DENND1B: variants seen among roughly 807,000 people sequenced by gnomAD.
The protein encoded by DENND1B is DENN domain containing 1B.
In DENND1B, 59 loss-of-function variants were observed where a neutral mutation model predicts 90.1. The ratio of observed to expected loss-of-function variants is 0.65; its 90% CI spans 0.53 to 0.81. The LOEUF (loss-of-function observed/expected upper bound fraction) is 0.81. Ranked by LOEUF, DENND1B falls within the 40% of genes least tolerant of loss-of-function variation. The pLI, the probability that DENND1B is intolerant of heterozygous loss-of-function variation, is 0.00. For synonymous variants in DENND1B, 337 were observed against 324.6 expected, an observed-to-expected ratio of 1.04 and a Z score of -0.41; for missense variants, 862 against 912.6, an observed-to-expected ratio of 0.94 and a Z score of 0.71.
chr1:197,654,919 A>G (rs1653644705), intron 6 of DENND1B, among the ~76,000 whole-genome samples: 1 of 152,184 alleles, frequency 6.6e-6, no homozygotes, highest in Non-Finnish European at 1.5e-5. Flanking sequence ...TGTCTATACC[A>G]TTTTAGCTGA....
intron 2 of DENND1B, among the ~76,000 whole-genome samples, chr1:197,754,892 T>G (rs914514175): frequency 1.3e-5 from 2 of 152,146 alleles, no homozygotes; most frequent in South Asian, 4.1e-4. Flanking sequence ...AGAATTTTAG[T>G]CTCTTCATGT....
At chr1:197,629,687 A>G (rs1679146934) in intron 10 of DENND1B, among the ~76,000 whole-genome samples, 1 of 151,828 alleles carries the variant, frequency 6.6e-6, no homozygotes. Flanking sequence ...TAATAATAAA[A>G]TAAAATAAAA....
chr1:197,619,417 A>T (rs2125866761), intron 10 of DENND1B, among the ~76,000 whole-genome samples: 1 of 151,236 alleles, frequency 6.6e-6, no homozygotes, highest in East Asian at 2.0e-4. Context: ...CCCCCTTTTT[A>T]ACCTGATGGG....
chr1:197,647,904 G>A (rs1283176813), intron 7 of DENND1B, among the ~76,000 whole-genome samples: 4 of 146,810 alleles, frequency 2.7e-5, no homozygotes, highest in Admixed American at 2.1e-4. Flanking sequence ...CTGAGATCAC[G>A]CCATTGTTTT....
chr1:197,762,865 T>C (rs1033115588), intron 2 of DENND1B, among the ~76,000 whole-genome samples: 8 of 152,222 alleles, frequency 5.3e-5, no homozygotes, highest in African/African-American at 1.4e-4. Flanking sequence ...ATCCATGTTG[T>C]AGCACACGGC....
At chr1:197,766,838 G>T (rs553462034) in intron 2 of DENND1B, among the ~76,000 whole-genome samples, 1 of 152,034 alleles carries the variant, frequency 6.6e-6, no homozygotes, top group Non-Finnish European at 1.5e-5. Context: ...CACCTAGACT[G>T]GAATGCAGTG....
At chr1:197,736,808 C>A (rs1041880570) in intron 2 of DENND1B, among the ~76,000 whole-genome samples, 6 of 152,148 alleles carry the variant, frequency 3.9e-5, no homozygotes, top group African/African-American at 1.4e-4. Context: ...ATCTTGCTTG[C>A]CTTTCTCTTA....
chr1:197,707,975 C>T (rs1260575533), intron 3 of DENND1B, among the ~76,000 whole-genome samples: 1 of 152,040 alleles, frequency 6.6e-6, no homozygotes, highest in African/African-American at 2.4e-5. Flanking sequence ...ACGGCCGCAC[C>T]CGGAAAATCA....
intron 20 of DENND1B, among the ~76,000 whole-genome samples, chr1:197,528,014 T>C (rs1022803399): frequency 2.0e-5 from 3 of 152,172 alleles, no homozygotes; most frequent in African/African-American, 7.2e-5. Context: ...ATTTATTTTA[T>C]TCCCAGAGTC....
chr1:197,540,147 A>G, intron 19 of DENND1B, 76 bp from the exon 20 acceptor site: 1 of 980,060 alleles, frequency 1.0e-6, no homozygotes, highest in Non-Finnish European at 1.5e-6. Context: ...TAATAAACAA[A>G]GTATCTGATA....
intron 3 of DENND1B, among the ~76,000 whole-genome samples, chr1:197,697,632 T>C (rs1176227938): frequency 1.3e-5 from 2 of 151,586 alleles, no homozygotes; most frequent in East Asian, 1.9e-4. Context: ...AGAACACAAA[T>C]TGGATAGTCA....
At chr1:197,769,513 T>C (rs1656134676) in intron 2 of DENND1B, among the ~76,000 whole-genome samples, 1 of 152,108 alleles carries the variant, frequency 6.6e-6, no homozygotes, top group African/African-American at 2.4e-5. Context: ...ATCTAAGCCC[T>C]CCAATGACAC....
chr1:197,542,340 A>G (rs1465046677), intron 18 of DENND1B, among the ~76,000 whole-genome samples: 2 of 152,234 alleles, frequency 1.3e-5, no homozygotes, highest in South Asian at 2.1e-4. Context: ...AACTATAAAA[A>G]TAAGTATAAA....
intron 2 of DENND1B, among the ~76,000 whole-genome samples, chr1:197,715,982 T>G (rs1318427607): frequency 1.3e-5 from 2 of 151,520 alleles, no homozygotes; most frequent in African/African-American, 4.8e-5. Context: ...GACTAATGTG[T>G]GTAACAAGTA....
At chr1:197,665,725 C>G (rs1025187685) in intron 5 of DENND1B, among the ~76,000 whole-genome samples, 2 of 152,038 alleles carry the variant, frequency 1.3e-5, no homozygotes, top group Non-Finnish European at 2.9e-5. Context: ...AACAAAAGCT[C>G]AAGAGACATT....
chr1:197,552,729 C>G (rs1671343412), intron 16 of DENND1B: 1 of 1,162,468 alleles, frequency 8.6e-7, no homozygotes, highest in South Asian at 2.8e-5. Flanking sequence ...GAAGGAAAGA[C>G]AGGAAGATAT....
intron 14 of DENND1B, among the ~76,000 whole-genome samples, chr1:197,585,260 T>C (rs922088968): frequency 1.3e-5 from 2 of 152,204 alleles, no homozygotes; most frequent in Non-Finnish European, 2.9e-5. Flanking sequence ...CCTTATTCTA[T>C]ATGACATATC....
At chr1:197,721,734 C>G (rs1159078221) in intron 2 of DENND1B, among the ~76,000 whole-genome samples, 1 of 151,874 alleles carries the variant, frequency 6.6e-6, no homozygotes, top group Non-Finnish European at 1.5e-5. Context: ...CTTCATAGGG[C>G]TAGAAACAAA....
At chr1:197,639,950 C>T (rs1172706799) in intron 10 of DENND1B, among the ~76,000 whole-genome samples, 6 of 152,108 alleles carry the variant, frequency 3.9e-5, no homozygotes, top group Admixed American at 6.6e-5. Context: ...ATCAGCCCAA[C>T]GGTCCCAGAG....
Sources: gnomAD v4.1 joint callset for allele counts (sites outside exome capture counted in the v4.1 genomes callset) on GRCh38, gnomAD v4.1.1 for gene constraint, MANE v1.5 for transcripts, NCBI Gene and HGNC (gene_info 2026-07-23, HGNC 2026-07-21) for gene names.